ATP6V1C2: variants seen among roughly 807,000 people sequenced by gnomAD.
ATP6V1C2 encodes ATPase H+ transporting V1 subunit C2.
In ATP6V1C2, 45 loss-of-function variants were observed where a neutral mutation model predicts 56.8. That is an observed-to-expected ratio of 0.79 (90% CI 0.62 to 1.02). ATP6V1C2 has a LOEUF of 1.02. ATP6V1C2 is among the 50% of genes least tolerant of loss of function. ATP6V1C2 has a pLI of 0.00. For synonymous variants in ATP6V1C2, 220 were observed against 201.3 expected (o/e 1.09, Z -0.79); for missense variants, 463 against 519.7 (o/e 0.89, Z 1.06).
intron 4 of ATP6V1C2, among the ~76,000 whole-genome samples, chr2:10,761,146 A>G (rs1663882307): frequency 6.6e-6 from 1 of 152,166 alleles, no homozygotes; most frequent in Non-Finnish European, 1.5e-5. Flanking sequence ...TACGTGTTGA[A>G]GGACAGAGGT....
Position 10,763,286 on chromosome 2 carries a change from C to T in ATP6V1C2, c.284-1045C>T, listed in dbSNP as rs1198872. ...CACCTCCTCTTCCCCTTAGCCTCCACGTGAATACCATGTCTGTGTCCCAGT... is the reference window on the plus strand; with the variant it reads ...CACCTCCTCTTCCCCTTAGCCTCCATGTGAATACCATGTCTGTGTCCCAGT... On this transcript the variant is annotated intron_variant, in intron 4 of 13. Transcript: ENST00000272238. The surrounding 1 kb of genome is among the most constrained non-coding windows in gnomAD (Gnocchi z 4.2). Among the ~76,000 whole-genome samples, 58,011 of 151,904 alleles carry T rather than the reference C, an allele frequency of 0.38. 11,429 individuals carry two copies. The highest frequency in any genetic ancestry group is 0.52 in the East Asian group (2,692 of 5,136).
chr2:10,742,863 C>T (rs1364988123), intron 3 of ATP6V1C2, among the ~76,000 whole-genome samples: 1 of 152,130 alleles, frequency 6.6e-6, no homozygotes. Context: ...TCCTGGGCGG[C>T]CCCTTCTCGC....
At chr2:10,726,663 C>A (rs1486033737) in intron 3 of ATP6V1C2, 94 bp downstream of exon 3, 18 of 1,169,552 alleles carry the variant, frequency 1.5e-5, no homozygotes, top group Non-Finnish European at 1.1e-5. Context: ...GGAGTATGGA[C>A]TTGTCTAGAC....
intron 4 of ATP6V1C2, among the ~76,000 whole-genome samples, chr2:10,757,923 C>T (rs1377822742): frequency 6.6e-6 from 1 of 152,214 alleles, no homozygotes; most frequent in Non-Finnish European, 1.5e-5. Context: ...CAGGTCTTTC[C>T]TTGTGTGAAT....
intron 4 of ATP6V1C2, among the ~76,000 whole-genome samples, chr2:10,762,319 C>T (rs1198869): frequency 0.47 from 71,378 of 151,668 alleles, 18,141 homozygotes; most frequent in African/African-American, 0.67. Flanking sequence ...CTAATTCTTA[C>T]ATTTTTAGCA....
intron 5 of ATP6V1C2, among the ~76,000 whole-genome samples, chr2:10,765,043 C>G (rs1431804651): frequency 6.6e-6 from 1 of 151,988 alleles, no homozygotes; most frequent in African/African-American, 2.4e-5. Context: ...AACCTGACAC[C>G]TCTAGCCCCC....
At chr2:10,733,727 G>A (rs898773806) in intron 3 of ATP6V1C2, among the ~76,000 whole-genome samples, 4 of 152,144 alleles carry the variant, frequency 2.6e-5, no homozygotes, top group African/African-American at 9.7e-5. Flanking sequence ...TTGACAGAGT[G>A]CATTTCCCAG....
intron 3 of ATP6V1C2, among the ~76,000 whole-genome samples, chr2:10,742,964 G>T (rs985463569): frequency 2.0e-5 from 3 of 152,022 alleles, no homozygotes. Flanking sequence ...CTCACACCTG[G>T]GCAATGCCCC....
intron 8 of ATP6V1C2, among the ~76,000 whole-genome samples, chr2:10,773,571 TG>T (rs202059400): frequency 0.013 from 1,939 of 152,194 alleles, 64 homozygotes; most frequent in Admixed American, 0.071. Flanking sequence ...TTGGTAGAGA[TG>T]GGGTTTCACT....
At chr2:10,757,327 T>G (rs1476250418) in intron 4 of ATP6V1C2, 4 of 396,310 alleles carry the variant, frequency 1.0e-5, no homozygotes, top group Non-Finnish European at 1.8e-5. Flanking sequence ...GAGACTTTAT[T>G]TGGCTGTTTA....
chr2:10,783,922 T>C lies in ATP6V1C2; in HGVS notation c.*659T>C, dbSNP rs1205242239. 1 of 190,502 alleles carries C rather than the reference T, an allele frequency of 5.2e-6. No homozygotes were observed. Among genetic ancestry groups the C allele is most frequent in the African/African-American group, 2.3e-5 (1 of 42,830 alleles). The allele number at this position is 190,502 out of a possible 1,614,324, so 11.8% of individuals were successfully genotyped here. Reference sequence around the variant, plus strand: ...AGCCATTAATATTCAAATGAAGGGATCACATTAAAAAAAACCCATACATAA... The same window carrying C: ...AGCCATTAATATTCAAATGAAGGGACCACATTAAAAAAAACCCATACATAA... On this transcript the variant is annotated 3_prime_UTR_variant, in exon 14 of 14. Transcript: ENST00000272238.
rs549345548 is a variant in ATP6V1C2 at position 10,776,856 on chromosome 2, G to A, written c.826-729G>A. Among the ~76,000 whole-genome samples, 83 of 152,270 alleles carry A rather than the reference G, an allele frequency of 5.5e-4. 2 individuals carry two copies. The South Asian group carries it at 0.011, about 20-fold the overall frequency. On this transcript the variant is annotated intron_variant, in intron 10 of 13. Transcript: ENST00000272238. ...GCGTATTTTACATGGCGTAGCCTTC[G>A]CCCACACCACCCTGGGGGCCCTGCC...
intron 11 of ATP6V1C2, 22 bp downstream of exon 11, chr2:10,777,744 C>G: frequency 6.3e-7 from 1 of 1,592,996 alleles, no homozygotes; most frequent in Non-Finnish European, 8.5e-7. Context: ...CCCGGGAACC[C>G]CGGGGTCCCT....
At position 10,780,285 on chromosome 2, in the gene ATP6V1C2, C is replaced by T. The variant is rs1199004802; in HGVS notation, c.1061+1616C>T. ...AAACTTCAGGGTCAGTTTAGACACC[C>T]CTGACAGGCCCGGTCCACTCCGCCT... On this transcript the variant is annotated intron_variant, in intron 12 of 13. Coordinates refer to ENST00000272238, the MANE Select transcript of ATP6V1C2 (RefSeq NM_001039362.2). The surrounding 1 kb of genome is among the most constrained non-coding windows in gnomAD (Gnocchi z 4.1). Among the ~76,000 whole-genome samples the T allele has an allele frequency of 2.6e-5, 4 of 152,200 alleles. No individual in the cohort carries two copies. The East Asian group carries it at 5.8e-4, about 22-fold the overall frequency.
chr2:10,781,736 T>A (rs1213869007), intron 12 of ATP6V1C2, among the ~76,000 whole-genome samples: 1 of 152,212 alleles, frequency 6.6e-6, no homozygotes, highest in African/African-American at 2.4e-5. Flanking sequence ...CTATATTTTG[T>A]GTGGGCTAAC....
chr2:10,732,048 A>G (rs1024124544), intron 3 of ATP6V1C2, among the ~76,000 whole-genome samples: 4 of 152,034 alleles, frequency 2.6e-5, no homozygotes, highest in African/African-American at 9.7e-5. Context: ...GCAATTCTAG[A>G]GCTGTCTTTG....
Position 10,771,942 on chromosome 2 carries a change from G to A in ATP6V1C2, c.569+5G>A, listed in dbSNP as rs754153253. The A allele has an allele frequency of 6.2e-7, 1 of 1,612,844 alleles. No homozygotes were observed. The highest frequency in any genetic ancestry group is 1.1e-5 in the South Asian group (1 of 91,072). ...ACTTCTGGTCATCGTCCCCAAGTGA[G>A]TGCTGGGCGATCACGAAGGAAACCG... On this transcript the variant is annotated splice_donor_5th_base_variant and intron_variant, in intron 7 of 13. Transcript: ENST00000272238.
intron 5 of ATP6V1C2, among the ~76,000 whole-genome samples, chr2:10,765,485 G>A (rs1187624513): frequency 1.3e-5 from 2 of 152,258 alleles, no homozygotes; most frequent in Non-Finnish European, 2.9e-5. Context: ...TGTGACTGTG[G>A]CCAAGGGTCA....
intron 3 of ATP6V1C2, among the ~76,000 whole-genome samples, chr2:10,739,164 T>G (rs1662411912): frequency 6.6e-6 from 1 of 152,048 alleles, no homozygotes; most frequent in South Asian, 2.1e-4. Context: ...ATGCCTGCAA[T>G]CCCAGCTACT....
Sources: allele counts gnomAD v4.1 joint callset (sites outside exome capture counted in the v4.1 genomes callset), GRCh38; gene constraint gnomAD v4.1.1; non-coding constraint Gnocchi (gnomAD v3.1); transcripts MANE v1.5; gene names NCBI Gene and HGNC (gene_info 2026-07-23, HGNC 2026-07-21).